The following PAPPA2 variants were observed in gnomAD, a reference collection of about 807,000 sequenced individuals.
PAPPA2 encodes the protein pappalysin-2.
A neutral mutation model predicts 176.4 loss-of-function variants in PAPPA2; 86 were observed. The ratio of observed to expected loss-of-function variants is 0.49; its 90% confidence interval spans 0.41 to 0.58. PAPPA2 has a LOEUF of 0.58. Ranked by LOEUF, PAPPA2 falls within the 20% of genes least tolerant of loss-of-function variation. The pLI, the probability that PAPPA2 is intolerant of heterozygous loss-of-function variation, is 0.00. For missense variants in PAPPA2, 2,073 were observed against 2,256.9 expected, an observed-to-expected ratio of 0.92 and a Z score of 1.65; for synonymous variants, 809 against 852.2, an observed-to-expected ratio of 0.95 and a Z score of 0.88.
At chr1:176,790,019 C>G in intron 18 of PAPPA2, 42 bp downstream of exon 18, 1 of 1,591,284 alleles carries the variant, frequency 6.3e-7, no homozygotes, top group South Asian at 1.1e-5. Context: ...AGGCTGTGCT[C>G]TAATCTTGAT....
chr1:176,524,120 C>T (rs1649345887), intron 1 of PAPPA2, among the ~76,000 whole-genome samples: 1 of 152,222 alleles, frequency 6.6e-6, no homozygotes, highest in African/African-American at 2.4e-5. Flanking sequence ...GCATGGCACT[C>T]TTGCATTTCT....
chr1:176,603,254 T>C (rs1352504154), intron 3 of PAPPA2, among the ~76,000 whole-genome samples: 1 of 152,244 alleles, frequency 6.6e-6, no homozygotes, highest in African/African-American at 2.4e-5. Context: ...CACTTACAGG[T>C]TCCTTCCTAG....
Position 176,647,326 on chromosome 1 carries a change from G to C in PAPPA2, c.1992-23644G>C, listed in dbSNP as rs528419908. On this transcript the variant is annotated intron_variant, in intron 3 of 22. Transcript: ENST00000367662. Reference sequence around the variant, plus strand: ...TCTGGTTATTAATCCCTTGTCAGATGGGTAGTTTGCAAATATTTTCTCCCA... The same window carrying C: ...TCTGGTTATTAATCCCTTGTCAGATCGGTAGTTTGCAAATATTTTCTCCCA... Among the ~76,000 whole-genome samples the C allele has an allele frequency of 2.6e-5, 4 of 151,704 alleles. 1 individual carries two copies. Among genetic ancestry groups the C allele is most frequent in the Admixed American group, 1.3e-4 (2 of 15,196 alleles).
chr1:176,686,738 C>A (rs1374639816), intron 4 of PAPPA2, among the ~76,000 whole-genome samples: 1 of 152,146 alleles, frequency 6.6e-6, no homozygotes, highest in Non-Finnish European at 1.5e-5. Context: ...TCATGACTAT[C>A]CCTCAAAGCC....
At chr1:176,762,700 C>A (rs535581280) in intron 14 of PAPPA2, among the ~76,000 whole-genome samples, 37 of 152,244 alleles carry the variant, frequency 2.4e-4, no homozygotes, top group Middle Eastern at 3.4e-3. Flanking sequence ...AAAGGATGGT[C>A]AGATTTTAGC....
intron 3 of PAPPA2, among the ~76,000 whole-genome samples, chr1:176,626,889 C>CTT (rs547179481): frequency 0.039 from 5,013 of 127,692 alleles, 131 homozygotes; most frequent in Non-Finnish European, 0.057. Context: ...CCTGTTTTTC[C>CTT]TTTTTTTTTT....
At chr1:176,635,527 C>A (rs960971413) in intron 3 of PAPPA2, among the ~76,000 whole-genome samples, 8 of 152,148 alleles carry the variant, frequency 5.3e-5, no homozygotes, top group Non-Finnish European at 1.0e-4. Flanking sequence ...TGGCAGCCTT[C>A]ATAATTTATC....
intron 3 of PAPPA2, among the ~76,000 whole-genome samples, chr1:176,662,079 A>G (rs1658388511): frequency 6.6e-6 from 1 of 152,174 alleles, no homozygotes; most frequent in African/African-American, 2.4e-5. Context: ...GGTCTAGCAC[A>G]GTGACTTGCA....
Position 176,692,234 on chromosome 1 carries a change from C to G in PAPPA2, c.2540C>G (p.Pro847Arg), listed in dbSNP as rs1660150918. The change falls in exon 6 of 23, where the codon CCC becomes CGC. Residue 847 changes from proline to arginine, a missense_variant. By Grantham distance (103) the Pro-to-Arg change is moderately radical. Around this residue, in one of 4 missense-constraint regions of PAPPA2, gnomAD observed 1,196 missense variants for 1,330.4 expected, o/e 0.90. Coordinates refer to ENST00000367662, the MANE Select transcript of PAPPA2 (RefSeq NM_020318.3). ...WTESRKPTPI[P>R]IPPMVIGQTN... ...GAAAGCAGAAAGCCCACCCCCATCCCCATTCCACCTATGGTCATCGGACAG... is the reference window on the plus strand; with the variant it reads ...GAAAGCAGAAAGCCCACCCCCATCCGCATTCCACCTATGGTCATCGGACAG... The G allele has an allele frequency of 6.2e-7, 1 of 1,614,072 alleles. No homozygotes were observed. Among genetic ancestry groups the G allele is most frequent in the Non-Finnish European group, 8.5e-7 (1 of 1,179,914 alleles).
At chr1:176,572,771 G>A (rs755150671) in intron 2 of PAPPA2, among the ~76,000 whole-genome samples, 3 of 152,146 alleles carry the variant, frequency 2.0e-5, no homozygotes, top group Admixed American at 1.3e-4. Flanking sequence ...ACATGTGAAC[G>A]TCTAACTTTA....
intron 1 of PAPPA2, among the ~76,000 whole-genome samples, chr1:176,465,997 A>G (rs1192278189): frequency 2.0e-5 from 3 of 152,088 alleles, no homozygotes; most frequent in East Asian, 1.9e-4. Flanking sequence ...TTATCTATAA[A>G]TTAGTTATCT....
Position 176,789,869 on chromosome 1 carries a change from T to A in PAPPA2, c.4776T>A (p.Pro1592=). ...GGIWEQGSCI[P]VVCEPPPPVF... is the part of the protein sequence containing the mutation. Reference sequence around the variant, plus strand: ...TCTGGGAGCAAGGCAGCTGCATTCCTGTGGTGTGTGAGCCACCCCCTCCTG... The same window carrying A: ...TCTGGGAGCAAGGCAGCTGCATTCCAGTGGTGTGTGAGCCACCCCCTCCTG... Residue 1592 remains proline (P), a synonymous_variant, in exon 18 of 23, where the codon CCT becomes CCA. Transcript: ENST00000367662. 6.2e-7 allele frequency: 1 copy of A among 1,614,144 alleles called. No individual in the cohort carries two copies. Among genetic ancestry groups the A allele is most frequent in the Non-Finnish European group, 8.5e-7 (1 of 1,180,016 alleles).
intron 3 of PAPPA2, among the ~76,000 whole-genome samples, chr1:176,650,489 A>G (rs1311461302): frequency 1.3e-5 from 2 of 151,348 alleles, no homozygotes; most frequent in Non-Finnish European, 3.0e-5. Flanking sequence ...TACATGTGCC[A>G]TGTTGGTGTG....
At chr1:176,809,802 C>G (rs1318513373) in intron 21 of PAPPA2, among the ~76,000 whole-genome samples, 1 of 152,040 alleles carries the variant, frequency 6.6e-6, no homozygotes, top group Non-Finnish European at 1.5e-5. Flanking sequence ...ATGAGAGGAT[C>G]AGAGGAGGGG....
chr1:176,811,223 T>A (rs1325594), intron 21 of PAPPA2, among the ~76,000 whole-genome samples: 18,622 of 152,242 alleles, frequency 0.12, 1,506 homozygotes, highest in Middle Eastern at 0.23. Context: ...ATTTGTGATA[T>A]CTGCATAAAA....
At chr1:176,637,489 A>G (rs1656777366) in intron 3 of PAPPA2, among the ~76,000 whole-genome samples, 1 of 152,142 alleles carries the variant, frequency 6.6e-6, no homozygotes, top group African/African-American at 2.4e-5. Flanking sequence ...ACATAACAAC[A>G]TGTTTCACAT....
intron 4 of PAPPA2, among the ~76,000 whole-genome samples, chr1:176,674,901 G>A (rs1659207304): frequency 6.6e-6 from 1 of 152,056 alleles, no homozygotes; most frequent in African/African-American, 2.4e-5. Flanking sequence ...CCAGCAGTGT[G>A]AAAGTGTTCC....
At chr1:176,700,472 C>G (rs1279677135) in intron 8 of PAPPA2, among the ~76,000 whole-genome samples, 2 of 152,214 alleles carry the variant, frequency 1.3e-5, no homozygotes, top group Non-Finnish European at 1.5e-5. Context: ...GTTGGGTGCT[C>G]TCATCTAGAC....
chr1:176,739,534 G>A, intron 12 of PAPPA2, 92 bp from the exon 13 acceptor site: 1 of 1,342,686 alleles, frequency 7.4e-7, no homozygotes, highest in Non-Finnish European at 1.0e-6. Context: ...TTTATAAATA[G>A]TGAGCTCTCT....
Sources: allele counts gnomAD v4.1 joint callset (sites outside exome capture counted in the v4.1 genomes callset), GRCh38; gene constraint gnomAD v4.1.1; regional missense constraint gnomAD v4.1.1; transcripts MANE v1.5; gene names NCBI Gene and HGNC (gene_info 2026-07-23, HGNC 2026-07-21).